Variants in FSTL4 observed in about 807,000 individuals in gnomAD.
FSTL4 encodes follistatin-related protein 4.
In FSTL4, 28 loss-of-function variants were observed where a neutral mutation model predicts 78.2. The observed-to-expected ratio is 0.36, with a 90% CI of 0.27 to 0.49. The LOEUF is 0.49. Ranked by LOEUF, FSTL4 falls within the 20% of genes least tolerant of loss-of-function variation. FSTL4 has a pLI of 0.98. For synonymous variants in FSTL4, 422 were observed against 440.5 expected, an observed-to-expected ratio of 0.96 and a Z score of 0.53; for missense variants, 922 against 1,084.9, an observed-to-expected ratio of 0.85 and a Z score of 2.11.
At chr5:133,504,661 A>C (rs10045480) in intron 3 of FSTL4, among the ~76,000 whole-genome samples, 11,427 of 152,068 alleles carry the variant, frequency 0.075, 1,381 homozygotes, top group African/African-American at 0.25. Context: ...TCCCTAACCC[A>C]TGCTGGCTCT....
At chr5:133,266,193 G>C (rs1359790187) in intron 6 of FSTL4, among the ~76,000 whole-genome samples, 2 of 152,138 alleles carry the variant, frequency 1.3e-5, no homozygotes, top group Non-Finnish European at 2.9e-5. Context: ...AGAGCACAGA[G>C]CCCAGGCGTG....
At chr5:133,698,514 C>G in the FSTL4 span, among the ~76,000 whole-genome samples, 3 of 152,188 alleles carry the variant, frequency 2.0e-5, no homozygotes, top group Admixed American at 1.3e-4. Context: ...ATGATGGAGC[C>G]GTTGTGACTA....
the FSTL4 span, among the ~76,000 whole-genome samples, chr5:133,806,047 A>C: frequency 6.6e-6 from 1 of 152,228 alleles, no homozygotes; most frequent in East Asian, 1.9e-4. Context: ...CAATACTGCT[A>C]ACTTTTCTTT....
At chr5:133,727,669 G>A in the FSTL4 span, among the ~76,000 whole-genome samples, 2 of 152,218 alleles carry the variant, frequency 1.3e-5, no homozygotes, top group Non-Finnish European at 2.9e-5. Context: ...CTGCAAAGCA[G>A]GACACAGATT....
intron 4 of FSTL4, among the ~76,000 whole-genome samples, chr5:133,354,247 G>A (rs979571141): frequency 6.6e-6 from 1 of 152,234 alleles, no homozygotes; most frequent in Non-Finnish European, 1.5e-5. Context: ...TTACCAGGGT[G>A]GAAAGAGACA....
chr5:133,529,779 C>T (rs142495113), intron 3 of FSTL4, among the ~76,000 whole-genome samples: 2 of 152,018 alleles, frequency 1.3e-5, no homozygotes, highest in Non-Finnish European at 2.9e-5. Flanking sequence ...GTTCAGAACT[C>T]TGTTGAATGG....
the FSTL4 span, among the ~76,000 whole-genome samples, chr5:133,765,074 A>T: frequency 1.3e-5 from 2 of 152,236 alleles, no homozygotes; most frequent in Non-Finnish European, 2.9e-5. Context: ...ACCACTTAAC[A>T]TGCACTCAGG....
chr5:133,746,974 C>G, the FSTL4 span, among the ~76,000 whole-genome samples: 1 of 152,174 alleles, frequency 6.6e-6, no homozygotes, highest in African/African-American at 2.4e-5. Flanking sequence ...CCCAGGCATC[C>G]TGACGGGCTT....
intron 3 of FSTL4, among the ~76,000 whole-genome samples, chr5:133,407,173 G>A (rs10793814): frequency 0.73 from 111,761 of 152,140 alleles, 41,529 homozygotes; most frequent in African/African-American, 0.86. Flanking sequence ...CTGGAGGTTT[G>A]CAGGGCTGCA....
At chr5:133,213,120 A>G (rs1173479943) in intron 13 of FSTL4, among the ~76,000 whole-genome samples, 2 of 149,932 alleles carry the variant, frequency 1.3e-5, no homozygotes, top group Admixed American at 1.3e-4. Flanking sequence ...CTCCTGTTTC[A>G]GCCTCCCAAG....
intron 1 of FSTL4, among the ~76,000 whole-genome samples, chr5:133,609,462 T>G (rs564501474): frequency 6.6e-6 from 1 of 152,202 alleles, no homozygotes; most frequent in Non-Finnish European, 1.5e-5. Context: ...CAGGAGGCTG[T>G]ACGGGAACCT....
At chr5:133,534,218 G>C (rs1407338319) in intron 3 of FSTL4, among the ~76,000 whole-genome samples, 1 of 151,074 alleles carries the variant, frequency 6.6e-6, no homozygotes, top group Admixed American at 6.6e-5. Context: ...GAGACTCCAT[G>C]TTAAAGCTAA....
At chr5:133,473,784 A>G (rs1193953764) in intron 3 of FSTL4, among the ~76,000 whole-genome samples, 1 of 152,136 alleles carries the variant, frequency 6.6e-6, no homozygotes, top group Non-Finnish European at 1.5e-5. Context: ...ACTTACAATC[A>G]TGGTAGAAGG....
intron 4 of FSTL4, among the ~76,000 whole-genome samples, chr5:133,355,313 G>A (rs1195686973): frequency 6.6e-6 from 1 of 152,170 alleles, no homozygotes; most frequent in East Asian, 1.9e-4. Flanking sequence ...GTTTCTTTGG[G>A]TTCAGAAGAC....
intron 4 of FSTL4, among the ~76,000 whole-genome samples, chr5:133,398,928 C>A (rs534582378): frequency 6.6e-6 from 1 of 152,242 alleles, no homozygotes; most frequent in Middle Eastern, 3.4e-3. Context: ...CAGAAGGATT[C>A]GGTGGATAAA....
chr5:133,703,591 G>T, the FSTL4 span, among the ~76,000 whole-genome samples: 10 of 152,310 alleles, frequency 6.6e-5, no homozygotes, highest in East Asian at 1.9e-3. Context: ...TGAAGAGAGG[G>T]GCCAGCCAGG....
At chr5:133,605,068 A>G (rs1760949995) in intron 1 of FSTL4, among the ~76,000 whole-genome samples, 2 of 152,258 alleles carry the variant, frequency 1.3e-5, no homozygotes, top group Admixed American at 1.3e-4. Context: ...ATGAGGATAC[A>G]GACTATCTTA....
intron 6 of FSTL4, among the ~76,000 whole-genome samples, chr5:133,273,287 T>A (rs1752807047): frequency 6.6e-6 from 1 of 152,254 alleles, no homozygotes; most frequent in African/African-American, 2.4e-5. Flanking sequence ...GTTAATGAGA[T>A]ATTTACCTTC....
At chr5:133,368,061 GC>G (rs1328747337) in intron 4 of FSTL4, among the ~76,000 whole-genome samples, 2 of 152,252 alleles carry the variant, frequency 1.3e-5, no homozygotes, top group African/African-American at 2.4e-5. Context: ...TCTGGCCTTT[GC>G]CCCCTGCCCC....
Sources: gnomAD v4.1 joint callset for allele counts (sites outside exome capture counted in the v4.1 genomes callset) on GRCh38, gnomAD v4.1.1 for gene constraint, MANE v1.5 for transcripts, NCBI Gene and HGNC (gene_info 2026-07-23, HGNC 2026-07-21) for gene names.